Variants in MSH3 observed in about 807,000 individuals in gnomAD.
MSH3 encodes mutS homolog 3, also known as DNA mismatch repair protein Msh3.
MSH3 carries 106 observed loss-of-function variants against 123.3 expected under a neutral mutation model. That is an observed-to-expected ratio of 0.86 (90% CI 0.73 to 1.01). The LOEUF (loss-of-function observed/expected upper bound fraction) is 1.01. MSH3 is among the 50% of genes least tolerant of loss of function. MSH3 has a pLI of 0.00. For synonymous variants in MSH3, 515 were observed against 481.4 expected (o/e 1.07, Z -0.91); for missense variants, 1,459 against 1,347.6 (o/e 1.08, Z -1.29).
intron 10 of MSH3, among the ~76,000 whole-genome samples, chr5:80,729,430 A>ATGTG (rs71594671): frequency 0.03 from 2,314 of 77,982 alleles, 83 homozygotes; most frequent in African/African-American, 0.046. Flanking sequence ...AAAAAAAAAA[A>ATGTG]TGTGTGTGTG....
intron 2 of MSH3, 24 bp from the exon 3 acceptor site, chr5:80,665,119 T>C: frequency 1.3e-6 from 2 of 1,594,124 alleles, no homozygotes; most frequent in South Asian, 1.1e-5. Flanking sequence ...TATTGTTCTG[T>C]TTTCTTCTTA....
rs571496900 is a variant in MSH3, at chr5:80,807,747, G to A, written c.2656-5837G>A. The stretch of plus-strand genomic sequence containing the variant: ...CCAGAGCCTATCCTGGCAGTGCAGG[G>A]CACCAGGCAGGAACCAGCCCTGGAC... On this transcript the variant is annotated intron_variant, in intron 19 of 23. Coordinates refer to ENST00000265081, the MANE Select transcript of MSH3 (RefSeq NM_002439.5). Among the ~76,000 whole-genome samples the A allele has an allele frequency of 2.6e-5, 4 of 152,296 alleles. 1 individual carries two copies. The South Asian group carries it at 6.2e-4, about 24-fold the overall frequency.
intron 8 of MSH3, among the ~76,000 whole-genome samples, chr5:80,691,961 GTA>G (rs869129939): frequency 0.014 from 893 of 63,888 alleles, 128 homozygotes; most frequent in African/African-American, 0.028. Flanking sequence ...AGATAAACAT[GTA>G]TATGTTTATA....
intron 8 of MSH3, among the ~76,000 whole-genome samples, chr5:80,708,193 G>T (rs1398155929): frequency 6.6e-6 from 1 of 152,020 alleles, no homozygotes; most frequent in East Asian, 1.9e-4. Context: ...AGTGCTTTTT[G>T]TATCTTAAGA....
At chr5:80,808,929 C>T in intron 19 of MSH3, among the ~76,000 whole-genome samples, 1 of 117,718 alleles carries the variant, frequency 8.5e-6, no homozygotes, top group Non-Finnish European at 1.8e-5. Flanking sequence ...CATGTAAATG[C>T]CATACACATT....
intron 8 of MSH3, among the ~76,000 whole-genome samples, chr5:80,696,410 A>G (rs1340367409): frequency 6.6e-6 from 1 of 151,934 alleles, no homozygotes. Flanking sequence ...GCTAGAGTAG[A>G]GCGGTTATTG....
At chr5:80,680,611 A>T (rs554641820) in intron 8 of MSH3, among the ~76,000 whole-genome samples, 21 of 151,966 alleles carry the variant, frequency 1.4e-4, no homozygotes, top group Admixed American at 5.2e-4. Flanking sequence ...CCATTTTTAA[A>T]AACTTTATTG....
intron 8 of MSH3, among the ~76,000 whole-genome samples, chr5:80,708,899 C>T (rs6151704): frequency 0.33 from 50,134 of 151,626 alleles, 8,398 homozygotes; most frequent in Non-Finnish European, 0.37. Context: ...CTCACCGTCT[C>T]GAATAGCTGG....
At chr5:80,821,080 A>G (rs1745196860) in intron 20 of MSH3, among the ~76,000 whole-genome samples, 1 of 152,232 alleles carries the variant, frequency 6.6e-6, no homozygotes, top group African/African-American at 2.4e-5. Flanking sequence ...AGTTTAAATA[A>G]TGCATATAAA....
Position 80,732,856 on chromosome 5 carries a change from C to G in MSH3, c.1568+3891C>G, listed in dbSNP as rs546067056. Among the ~76,000 whole-genome samples the G allele has an allele frequency of 2.2e-4, 33 of 152,284 alleles. No individual in the cohort carries two copies. The South Asian group carries it at 6.6e-3, about 31-fold the overall frequency. On this transcript the variant is annotated intron_variant, in intron 10 of 23. Coordinates refer to ENST00000265081, the MANE Select transcript of MSH3 (RefSeq NM_002439.5). The stretch of plus-strand genomic sequence containing the variant: ...ATGATAAAAAACGCTCAAAAAACTA[C>G]AACTAACGTGGAACTTTCTTGACCT...
At chr5:80,731,723 G>A (rs1419726445) in intron 10 of MSH3, among the ~76,000 whole-genome samples, 1 of 152,094 alleles carries the variant, frequency 6.6e-6, no homozygotes, top group Non-Finnish European at 1.5e-5. Flanking sequence ...CATTCTAAAA[G>A]AGTAATTCTG....
intron 20 of MSH3, among the ~76,000 whole-genome samples, chr5:80,829,826 G>A (rs558339518): frequency 1.6e-4 from 25 of 152,252 alleles, no homozygotes; most frequent in Admixed American, 1.4e-3. Flanking sequence ...TTCCTTAAAT[G>A]TTTGATAGAA....
intron 22 of MSH3, among the ~76,000 whole-genome samples, chr5:80,865,338 C>T (rs1308091136): frequency 6.6e-6 from 1 of 152,128 alleles, no homozygotes; most frequent in Non-Finnish European, 1.5e-5. Flanking sequence ...CCCAAAATAT[C>T]ATTTAACTTA....
intron 13 of MSH3, among the ~76,000 whole-genome samples, chr5:80,766,221 T>G (rs1744118558): frequency 6.6e-6 from 1 of 152,108 alleles, no homozygotes. Context: ...CCGTTTTCCT[T>G]AAGGACAGTT....
intron 8 of MSH3, among the ~76,000 whole-genome samples, chr5:80,720,280 G>GT (rs1408750581): frequency 6.6e-6 from 1 of 152,106 alleles, no homozygotes; most frequent in Non-Finnish European, 1.5e-5. Context: ...TATGTGATGT[G>GT]TTTTTTAAAT....
At chr5:80,819,542 G>C (rs75493865) in intron 20 of MSH3, among the ~76,000 whole-genome samples, 1 of 148,930 alleles carries the variant, frequency 6.7e-6, no homozygotes, top group African/African-American at 2.5e-5. Context: ...GCAATGACAC[G>C]ATCCCAGGAT....
chr5:80,657,619 A>C (rs1054803777), intron 2 of MSH3, among the ~76,000 whole-genome samples: 1 of 151,566 alleles, frequency 6.6e-6, no homozygotes, highest in Non-Finnish European at 1.5e-5. Context: ...ATCTTTATTC[A>C]TTATCCTCAG....
chr5:80,826,341 T>C (rs1251220116), intron 20 of MSH3, among the ~76,000 whole-genome samples: 1 of 152,204 alleles, frequency 6.6e-6, no homozygotes, highest in African/African-American at 2.4e-5. Context: ...GGAAAAAATA[T>C]TAAAATCTAG....
chr5:80,867,950 C>T (rs948577208), intron 22 of MSH3, among the ~76,000 whole-genome samples: 1 of 152,116 alleles, frequency 6.6e-6, no homozygotes, highest in Non-Finnish European at 1.5e-5. Flanking sequence ...TCAGTTTTTG[C>T]TTCTGTTGCA....
Sources: gnomAD v4.1 joint callset for allele counts (sites outside exome capture counted in the v4.1 genomes callset) on GRCh38, gnomAD v4.1.1 for gene constraint, MANE v1.5 for transcripts, NCBI Gene and HGNC (gene_info 2026-07-23, HGNC 2026-07-21) for gene names.